UBR3: variants seen among roughly 807,000 people sequenced by gnomAD.
The protein encoded by UBR3 is E3 ubiquitin-protein ligase UBR3.
A neutral mutation model predicts 243.2 loss-of-function variants in UBR3; 85 were observed. The ratio of observed to expected loss-of-function variants is 0.35; its 90% CI spans 0.29 to 0.42. The LOEUF is 0.42. Ranked by LOEUF, UBR3 falls within the 10% of genes least tolerant of loss-of-function variation. UBR3 has a pLI of 1.00. For synonymous variants in UBR3, 748 were observed against 799.8 expected, an observed-to-expected ratio of 0.94 and a Z score of 1.09; for missense variants, 1,686 against 2,300.8, an observed-to-expected ratio of 0.73 and a Z score of 5.47.
chr2:170,076,858 A>G (rs1005348963), intron 36 of UBR3, among the ~76,000 whole-genome samples: 15 of 152,238 alleles, frequency 9.9e-5, no homozygotes, highest in African/African-American at 3.6e-4. Flanking sequence ...AGCTTGGTCT[A>G]TGGTAGGGGT....
intron 1 of UBR3, among the ~76,000 whole-genome samples, chr2:169,853,290 C>T (rs2082726786): frequency 6.6e-6 from 1 of 152,192 alleles, no homozygotes. Context: ...CTAGTAATGA[C>T]TGGTTTATCT....
At chr2:169,843,203 T>C (rs999564556) in intron 1 of UBR3, among the ~76,000 whole-genome samples, 1 of 152,236 alleles carries the variant, frequency 6.6e-6, no homozygotes, top group Non-Finnish European at 1.5e-5. Context: ...TGTGCTGTTA[T>C]AACAAAATAC....
At chr2:169,963,830 A>T (rs1336398392) in intron 24 of UBR3, among the ~76,000 whole-genome samples, 1 of 152,170 alleles carries the variant, frequency 6.6e-6, no homozygotes, top group African/African-American at 2.4e-5. Context: ...ACATAGAGGA[A>T]AGCTGACAGA....
At chr2:169,994,787 G>C (rs916783823) in intron 26 of UBR3, among the ~76,000 whole-genome samples, 3 of 152,116 alleles carry the variant, frequency 2.0e-5, no homozygotes, top group Middle Eastern at 3.2e-3. Flanking sequence ...TTCCCTACTG[G>C]GGCCACTGTC....
intron 32 of UBR3, among the ~76,000 whole-genome samples, chr2:170,049,539 G>C (rs11692876): frequency 0.15 from 22,829 of 152,122 alleles, 1,912 homozygotes; most frequent in Admixed American, 0.22. Context: ...ATCTCCTGAG[G>C]ATAAGGGGGG....
chr2:170,013,505 T>G (rs2090146021), intron 29 of UBR3, among the ~76,000 whole-genome samples: 1 of 152,126 alleles, frequency 6.6e-6, no homozygotes, highest in African/African-American at 2.4e-5. Flanking sequence ...GATAGGTAGT[T>G]TTTGATTTTT....
At chr2:169,927,184 T>C in intron 16 of UBR3, 136 bp from the exon 17 acceptor site, 5 of 990,370 alleles carry the variant, frequency 5.0e-6, no homozygotes, top group Non-Finnish European at 7.3e-6. Flanking sequence ...CAGTTATGTT[T>C]GGAGCATAGC....
chr2:170,075,498 T>A (rs6722633), intron 36 of UBR3, among the ~76,000 whole-genome samples: 118,710 of 152,122 alleles, frequency 0.78, 46,876 homozygotes, highest in Middle Eastern at 0.9. Context: ...ATAAGAATTT[T>A]TCATTTTAAA....
intron 1 of UBR3, among the ~76,000 whole-genome samples, chr2:169,841,355 G>C (rs572494914): frequency 6.6e-6 from 1 of 152,008 alleles, no homozygotes; most frequent in African/African-American, 2.4e-5. Flanking sequence ...GGTAGTGAGA[G>C]GTGACAGCGT....
chr2:169,991,694 T>C lies in UBR3; in HGVS notation c.3785-2629T>C, dbSNP rs942524629. 3.3e-5 allele frequency among the ~76,000 whole-genome samples: 5 copies of C among 152,298 alleles called. No homozygotes were observed. The South Asian group carries it at 1.0e-3, about 32-fold the overall frequency. On this transcript the variant is annotated intron_variant, in intron 25 of 38. Coordinates refer to ENST00000272793, the MANE Select transcript of UBR3 (RefSeq NM_172070.4). Reference sequence around the variant, plus strand: ...GTTTCCTGGGTTCACACCATTCTCCTGCCTCAGCTTCCCAAGTAGCTGGGA... The same window carrying C: ...GTTTCCTGGGTTCACACCATTCTCCCGCCTCAGCTTCCCAAGTAGCTGGGA...
At chr2:169,893,902 C>T (rs1315990908) in intron 6 of UBR3, among the ~76,000 whole-genome samples, 1 of 151,886 alleles carries the variant, frequency 6.6e-6, no homozygotes, top group African/African-American at 2.4e-5. Flanking sequence ...TTCCTGCTAC[C>T]TGATTCTCTT....
intron 35 of UBR3, among the ~76,000 whole-genome samples, chr2:170,062,385 A>C (rs1274391463): frequency 1.3e-5 from 2 of 152,220 alleles, no homozygotes; most frequent in African/African-American, 2.4e-5. Flanking sequence ...AGAATTAAGC[A>C]GTTTTGTGTT....
At chr2:169,829,518 G>A (rs904958725) in intron 1 of UBR3, among the ~76,000 whole-genome samples, 3 of 151,040 alleles carry the variant, frequency 2.0e-5, no homozygotes, top group Non-Finnish European at 4.4e-5. Context: ...CCGCCCCCTG[G>A]GTTCAAGCGA....
chr2:170,062,658 C>T (rs896875787), intron 35 of UBR3, among the ~76,000 whole-genome samples: 13 of 152,308 alleles, frequency 8.5e-5, no homozygotes, highest in Non-Finnish European at 2.9e-5. Flanking sequence ...AAATCAACTT[C>T]TTTTACCACC....
intron 1 of UBR3, among the ~76,000 whole-genome samples, chr2:169,859,219 C>T (rs2082998904): frequency 6.6e-6 from 1 of 151,536 alleles, no homozygotes; most frequent in African/African-American, 2.4e-5. Flanking sequence ...CCACAGGCAC[C>T]CACCACCATG....
chr2:169,831,582 A>G (rs2081944389), intron 1 of UBR3, among the ~76,000 whole-genome samples: 1 of 152,190 alleles, frequency 6.6e-6, no homozygotes, highest in South Asian at 2.1e-4. Context: ...TGGCCATGCA[A>G]TTACTCTGAA....
chr2:169,917,123 C>T (rs941056069), intron 11 of UBR3, among the ~76,000 whole-genome samples: 7 of 152,146 alleles, frequency 4.6e-5, no homozygotes, highest in Non-Finnish European at 8.8e-5. Context: ...TGTGTCAGCT[C>T]TTAGCCTTCA....
chr2:170,005,411 A>G (rs1333779928), intron 27 of UBR3, among the ~76,000 whole-genome samples: 1 of 152,228 alleles, frequency 6.6e-6, no homozygotes, highest in Admixed American at 6.5e-5. Context: ...TGGAGACGGC[A>G]TACATTGGAT....
intron 19 of UBR3, among the ~76,000 whole-genome samples, chr2:169,939,590 G>A (rs955966493): frequency 6.8e-6 from 1 of 146,666 alleles, no homozygotes; most frequent in African/African-American, 2.5e-5. Flanking sequence ...TTTTGAGACA[G>A]TCTCACTCTG....
Sources: gnomAD v4.1 joint callset for allele counts (sites outside exome capture counted in the v4.1 genomes callset) on GRCh38, gnomAD v4.1.1 for gene constraint, MANE v1.5 for transcripts, NCBI Gene and HGNC (gene_info 2026-07-23, HGNC 2026-07-21) for gene names.